STIP1: variants seen among roughly 807,000 people sequenced by gnomAD.
The protein encoded by STIP1 is stress-induced-phosphoprotein 1.
Under a neutral mutation model 77.4 loss-of-function variants are expected in STIP1, and 16 were observed. The observed-to-expected ratio is 0.21, with a 90% confidence interval of 0.14 to 0.31. STIP1 has a LOEUF of 0.31. STIP1 is among the 10% of genes least tolerant of loss of function. The pLI, the probability that STIP1 is intolerant of heterozygous loss-of-function variation, is 1.00. For synonymous variants in STIP1, 258 were observed against 246.6 expected, an observed-to-expected ratio of 1.05 and a Z score of -0.44; for missense variants, 524 against 684.8, an observed-to-expected ratio of 0.77 and a Z score of 2.62.
chr11:64,186,208 G>A lies in STIP1; in HGVS notation c.-54G>A. 6.4e-7 allele frequency: 1 copy of A among 1,550,916 alleles called. No homozygotes were observed. Among genetic ancestry groups the A allele is most frequent in the Non-Finnish European group, 8.7e-7 (1 of 1,146,978 alleles). On this transcript the variant is annotated 5_prime_UTR_variant, in exon 1 of 14. Transcript: ENST00000305218. ...GTTCCAGAAGGCGGCGCGTGCGGTT[G>A]GGAACGCGGAGCGGACGGATTCGAT... is the stretch of plus-strand genomic sequence containing the variant.
At chr11:64,195,394 G>T (rs1482419993) in intron 4 of STIP1, among the ~76,000 whole-genome samples, 14 of 152,186 alleles carry the variant, frequency 9.2e-5, no homozygotes, top group Admixed American at 9.2e-4. Context: ...GGGATTACAG[G>T]TGTGAGCCAC....
In STIP1 at chr11:64,193,302, G is replaced by C. The variant is rs1312799098; in HGVS notation, c.219+15G>C. On this transcript the variant is annotated intron_variant, in intron 2 of 13. Transcript: ENST00000305218. ...ACTGGGGCAAGGTCAGCTGTGGGCA[G>C]TGGAGGGAGAGAGGCCCTTCAGACC... is the stretch of plus-strand genomic sequence containing the variant. 6.2e-7 allele frequency: 1 copy of C among 1,614,014 alleles called. No individual in the cohort carries two copies. Among genetic ancestry groups the C allele is most frequent in the Admixed American group, 1.7e-5 (1 of 60,028 alleles).
intron 1 of STIP1, 67 bp downstream of exon 1, chr11:64,186,337 A>T: frequency 0.01 from 307 of 30,592 alleles, no homozygotes; most frequent in Middle Eastern, 0.019. Context: ...AGGCCGCGGT[A>T]GGGGGGCGGG....
At chr11:64,185,634 G>A (rs960737056), upstream of STIP1, 14 of 723,092 alleles carry the variant, frequency 1.9e-5, no homozygotes, top group Admixed American at 3.0e-5. Flanking sequence ...GGAGCGAGAG[G>A]GAAAGCAACC....
At chr11:64,190,534 C>T (rs188623196) in intron 1 of STIP1, among the ~76,000 whole-genome samples, 162 of 152,220 alleles carry the variant, frequency 1.1e-3, no homozygotes, top group African/African-American at 3.6e-3. Context: ...AGGCTGGTCT[C>T]GAACTCCTGA....
intron 5 of STIP1, among the ~76,000 whole-genome samples, chr11:64,196,070 C>G (rs1946147024): frequency 6.6e-6 from 1 of 152,056 alleles, no homozygotes; most frequent in Non-Finnish European, 1.5e-5. Context: ...AAGCTTATGG[C>G]TATTATTCAT....
rs746709067 is a variant in STIP1 at position 64,200,021 on chromosome 11, G to C, written c.1105G>C (p.Glu369Gln). 4 of 1,614,090 alleles carry C rather than the reference G, an allele frequency of 2.5e-6. No homozygotes were observed. The highest frequency in any genetic ancestry group is 1.6e-4 in the Middle Eastern group (1 of 6,084). The part of the protein sequence containing the change: ...LALEEKNKGN[E>Q]CFQKGDYPQA... ...TTTGGAGGAGAAGAACAAAGGCAAC[G>C]AGTGTTTTCAGAAAGGTACTGCCTG... Residue 369 changes from glutamate (E) to glutamine (Q), a missense_variant, in exon 9 of 14, where the codon GAG (glutamate) becomes CAG (glutamine). Physicochemically the swap from Glu to Gln is conservative, Grantham distance 29 (BLOSUM62 2). Transcript: ENST00000305218.
At chr11:64,190,833 A>G (rs1946084438) in intron 1 of STIP1, among the ~76,000 whole-genome samples, 1 of 152,018 alleles carries the variant, frequency 6.6e-6, no homozygotes, top group Admixed American at 6.6e-5. Context: ...CATTTCTACC[A>G]CAAAAAGAAA....
Position 64,186,210 on chromosome 11 carries a change from G to T in STIP1, c.-52G>T. ...TCCAGAAGGCGGCGCGTGCGGTTGG[G>T]AACGCGGAGCGGACGGATTCGATTC... On this transcript the variant is annotated 5_prime_UTR_variant, in exon 1 of 14. Coordinates refer to ENST00000305218, the MANE Select transcript of STIP1 (RefSeq NM_006819.3). 6.4e-7 allele frequency: 1 copy of T among 1,550,926 alleles called. No homozygotes were observed.
At position 64,204,236 on chromosome 11, in the gene STIP1, CTATATT is replaced by C. The variant is rs1946257989; in HGVS notation, c.*115_*120del. 3 of 1,101,662 alleles carry C rather than the reference CTATATT, an allele frequency of 2.7e-6. No homozygotes were observed. The highest frequency in any genetic ancestry group is 4.0e-6 in the Non-Finnish European group (3 of 751,200). The allele number at this position is 1,101,662 out of a possible 1,614,324, so 68.2% of individuals were successfully genotyped here. Reference sequence around the variant, plus strand: ...GCAGGGGAGAGAAGGCCTCATCTCTCTATATTTATACATAACCCCGGGGAAGACACA... The same window carrying C: ...GCAGGGGAGAGAAGGCCTCATCTCTCTATACATAACCCCGGGGAAGACACA... On this transcript the variant is annotated 3_prime_UTR_variant, in exon 14 of 14. Transcript: ENST00000305218.
At chr11:64,191,089 AG>A (rs954064470) in intron 1 of STIP1, among the ~76,000 whole-genome samples, 3 of 151,380 alleles carry the variant, frequency 2.0e-5, no homozygotes, top group Non-Finnish European at 4.4e-5. Context: ...CAGGAGGCTG[AG>A]GCAGGAGAAT....
chr11:64,198,365 A>T (rs990184079), intron 8 of STIP1, among the ~76,000 whole-genome samples: 1 of 152,258 alleles, frequency 6.6e-6, no homozygotes, highest in African/African-American at 2.4e-5. Context: ...GGTGCACGCC[A>T]CTATGCCCGG....
intron 8 of STIP1, among the ~76,000 whole-genome samples, chr11:64,198,752 G>GTTTT (rs1565281949): frequency 2.2e-5 from 2 of 91,864 alleles, no homozygotes; most frequent in African/African-American, 7.1e-5. Flanking sequence ...TTTTTTTTGT[G>GTTTT]GTTTTTTTTT....
intron 8 of STIP1, among the ~76,000 whole-genome samples, chr11:64,199,366 TATG>T (rs963455960): frequency 7.5e-5 from 11 of 146,546 alleles, no homozygotes; most frequent in South Asian, 2.2e-4. Flanking sequence ...ATTAGCCTGG[TATG>T]GTGGTGGGCG....
At chr11:64,190,079 C>G (rs1040919264) in intron 1 of STIP1, among the ~76,000 whole-genome samples, 1 of 151,766 alleles carries the variant, frequency 6.6e-6, no homozygotes, top group Non-Finnish European at 1.5e-5. Flanking sequence ...CGGCTCACTG[C>G]AGCCTCCGAC....
intron 1 of STIP1, among the ~76,000 whole-genome samples, chr11:64,191,933 T>C (rs954072416): frequency 1.3e-5 from 2 of 152,028 alleles, no homozygotes; most frequent in Non-Finnish European, 2.9e-5. Context: ...TGCTCCTCTC[T>C]CCCCAGTCAG....
At chr11:64,192,685 G>A (rs897960616) in intron 1 of STIP1, among the ~76,000 whole-genome samples, 1 of 152,208 alleles carries the variant, frequency 6.6e-6, no homozygotes, top group African/African-American at 2.4e-5. Context: ...CCTTCTTCCT[G>A]TGAGGGGTGA....
intron 1 of STIP1, among the ~76,000 whole-genome samples, chr11:64,190,236 CA>C (rs1315916526): frequency 6.6e-6 from 1 of 152,110 alleles, no homozygotes; most frequent in Non-Finnish European, 1.5e-5. Flanking sequence ...TGCAATGACG[CA>C]ATCTCAGCTT....
At chr11:64,195,930 C>T (rs917968357) in intron 5 of STIP1, 117 bp downstream of exon 5, 13 of 1,424,682 alleles carry the variant, frequency 9.1e-6, no homozygotes, top group Middle Eastern at 1.9e-4. Context: ...TTTTTAGAGA[C>T]GGAGTCTTGC....
Sources: allele counts gnomAD v4.1 joint callset (sites outside exome capture counted in the v4.1 genomes callset), GRCh38; gene constraint gnomAD v4.1.1; transcripts MANE v1.5; gene names NCBI Gene and HGNC (gene_info 2026-07-23, HGNC 2026-07-21).